The following KLC1 variants were observed in gnomAD, a reference collection of about 807,000 sequenced individuals.
The protein encoded by KLC1 is kinesin 2 60/70kDa.
Under a neutral mutation model 84.2 loss-of-function variants are expected in KLC1, and 30 were observed. The ratio of observed to expected loss-of-function variants is 0.36; its 90% CI spans 0.27 to 0.48. KLC1 has a LOEUF of 0.48. Among genes scored for constraint, KLC1 ranks in the 20% least tolerant of loss-of-function variants. The probability of loss-of-function intolerance (pLI) is 0.99; values close to 1 mark genes in which losing one functional copy is unlikely to be tolerated. For synonymous variants in KLC1, 289 were observed against 293.3 expected, an observed-to-expected ratio of 0.99 and a Z score of 0.15; for missense variants, 499 against 805.4, an observed-to-expected ratio of 0.62 and a Z score of 4.60.
intron 3 of KLC1, 53 bp downstream of exon 3, chr14:103,657,829 G>A (rs540388462): frequency 2.5e-4 from 321 of 1,285,248 alleles, no homozygotes; most frequent in Middle Eastern, 5.5e-4. Flanking sequence ...GAGTCACTGG[G>A]AAAGTCATAG....
chr14:103,655,894 T>C (rs2151503832), intron 2 of KLC1, among the ~76,000 whole-genome samples: 1 of 152,328 alleles, frequency 6.6e-6, no homozygotes, highest in East Asian at 1.9e-4. Flanking sequence ...CTGTGTATCA[T>C]TTAGGATTTG....
At chr14:103,657,231 G>C (rs2078904968) in intron 2 of KLC1, among the ~76,000 whole-genome samples, 1 of 152,120 alleles carries the variant, frequency 6.6e-6, no homozygotes, top group Non-Finnish European at 1.5e-5. Context: ...GGCCCATCTT[G>C]ATAGAAAGTA....
intron 5 of KLC1, among the ~76,000 whole-genome samples, chr14:103,665,658 A>G (rs1165406186): frequency 6.6e-6 from 1 of 152,104 alleles, no homozygotes; most frequent in Non-Finnish European, 1.5e-5. Flanking sequence ...GCTGGTCTCA[A>G]AACTCCTGAC....
At chr14:103,698,743 C>A in intron 15 of KLC1, 1 of 1,503,772 alleles carries the variant, frequency 6.6e-7, no homozygotes, top group East Asian at 2.4e-5. Context: ...TTTAAAGGCC[C>A]GAGCCCCGTG....
intron 1 of KLC1, among the ~76,000 whole-genome samples, chr14:103,641,417 C>T (rs117034968): frequency 6.6e-6 from 1 of 152,184 alleles, no homozygotes; most frequent in East Asian, 1.9e-4. Context: ...CAAAGTACCA[C>T]AGGCTAGTGA....
chr14:103,635,731 C>T (rs145949489), intron 1 of KLC1, among the ~76,000 whole-genome samples: 2,355 of 150,690 alleles, frequency 0.016, 56 homozygotes, highest in African/African-American at 0.054. Flanking sequence ...CCAGCCTGGG[C>T]GACAGAGTGA....
chr14:103,699,070 C>T, intron 15 of KLC1: 1 of 1,563,612 alleles, frequency 6.4e-7, no homozygotes, highest in South Asian at 1.2e-5. Context: ...GCCCCGCCCA[C>T]TTCGGCCCAG....
chr14:103,639,609 A>AT (rs1438728081), intron 1 of KLC1, among the ~76,000 whole-genome samples: 1 of 149,696 alleles, frequency 6.7e-6, no homozygotes, highest in East Asian at 2.0e-4. Flanking sequence ...CACCCAACTA[A>AT]TTTTTATTTT....
At chr14:103,700,140 C>A in intron 15 of KLC1, 1 of 204,910 alleles carries the variant, frequency 4.9e-6, no homozygotes, top group Non-Finnish European at 1.0e-5. Flanking sequence ...AGGCGTGGGG[C>A]ACTCTGGGAG....
rs117833555 is a variant in KLC1 at position 103,681,151 on chromosome 14, A to T, written c.1650+1606A>T. Reference sequence around the variant, plus strand: ...TCTATAGGCCATGTGCAGGCTGTGTATCTGGTGTGTCCCCTGATAGCTCTG... The same window carrying T: ...TCTATAGGCCATGTGCAGGCTGTGTTTCTGGTGTGTCCCCTGATAGCTCTG... On this transcript the variant is annotated intron_variant, in intron 13 of 16. Coordinates refer to ENST00000334553, the MANE Select transcript of KLC1 (RefSeq NM_001394837.1). Among the ~76,000 whole-genome samples the T allele has an allele frequency of 9.6e-4, 146 of 152,230 alleles. 3 individuals are homozygous for T. The East Asian group carries it at 0.021, about 22-fold the overall frequency.
At position 103,673,484 on chromosome 14, in the gene KLC1, A is replaced by G. The variant is rs1438276553; in HGVS notation, c.1261+53A>G. ...AATTTAATTGTATAATGACTTGACTAATAGTAATATACTAATAGTATTAGT... is the reference window on the plus strand; with the variant it reads ...AATTTAATTGTATAATGACTTGACTGATAGTAATATACTAATAGTATTAGT... On this transcript the variant is annotated intron_variant, in intron 9 of 16. Coordinates refer to ENST00000334553, the MANE Select transcript of KLC1 (RefSeq NM_001394837.1). 3 of 1,119,310 alleles carry G rather than the reference A, an allele frequency of 2.7e-6. No homozygotes were observed. In the African/African-American group the frequency reaches 4.8e-5, roughly 18 times the overall value. The allele number at this position is 1,119,310 out of a possible 1,614,324, so 69.3% of individuals were successfully genotyped here. A position where few individuals can be genotyped will look rare whatever the true frequency, so the allele number is the denominator to read the frequency against.
In KLC1 at chr14:103,700,721, C is replaced by T. The variant is rs766317490; in HGVS notation, c.1915C>T (p.Arg639Cys). The change falls in exon 16 of 17, where the codon CGC (arginine) becomes TGC (cysteine). Residue 639 changes from arginine to cysteine, a missense_variant. Arg to Cys is a radical substitution (Grantham distance 180). This residue lies in a region of KLC1 where 167 missense variants were observed against 208.8 expected (regional missense o/e 0.80). Coordinates refer to ENST00000334553, the MANE Select transcript of KLC1 (RefSeq NM_001394837.1). Reference sequence around the variant, plus strand: ...GCAGCAGTGGCCTGGAAGACGCCACCGCTAACGTGAGTCCCACGGCCTGCA... The same window carrying T: ...GCAGCAGTGGCCTGGAAGACGCCACTGCTAACGTGAGTCCCACGGCCTGCA... ...QQQQWPGRRH[R>C] The T allele has an allele frequency of 1.6e-5, 26 of 1,597,698 alleles. No homozygotes were observed. The highest frequency in any genetic ancestry group is 4.1e-5 in the African/African-American group (3 of 73,848).
intron 9 of KLC1, among the ~76,000 whole-genome samples, chr14:103,673,886 G>T (rs2080643921): frequency 6.6e-6 from 1 of 151,788 alleles, no homozygotes; most frequent in Non-Finnish European, 1.5e-5. Flanking sequence ...TCGTGCCACT[G>T]CACTCCAGCC....
chr14:103,698,752 T>C (rs1453711575), intron 15 of KLC1: 1 of 1,519,898 alleles, frequency 6.6e-7, no homozygotes, highest in Non-Finnish European at 8.9e-7. Flanking sequence ...CCGAGCCCCG[T>C]GTGTCGGGGC....
chr14:103,641,166 C>G (rs1317047321), intron 1 of KLC1, among the ~76,000 whole-genome samples: 1 of 152,154 alleles, frequency 6.6e-6, no homozygotes, highest in African/African-American at 2.4e-5. Context: ...CTTAAGTGAT[C>G]CACCTGCCTC....
At chr14:103,634,837 T>TC (rs2076936493) in intron 1 of KLC1, among the ~76,000 whole-genome samples, 1 of 152,100 alleles carries the variant, frequency 6.6e-6, no homozygotes, top group South Asian at 2.1e-4. Context: ...TGCCGTGGCC[T>TC]CCCAAAGTGT....
intron 13 of KLC1, chr14:103,685,135 T>C: frequency 6.8e-7 from 1 of 1,477,402 alleles, no homozygotes; most frequent in Non-Finnish European, 9.0e-7. Flanking sequence ...TTGCTGCCTG[T>C]GGAAATTAAT....
chr14:103,652,002 C>T (rs111992539), intron 1 of KLC1, among the ~76,000 whole-genome samples: 14 of 152,304 alleles, frequency 9.2e-5, no homozygotes, highest in Non-Finnish European at 1.3e-4. Context: ...TCCCCAAGGG[C>T]GAGGCCCTTA....
chr14:103,657,248 T>C (rs2078906469), intron 2 of KLC1, among the ~76,000 whole-genome samples: 1 of 152,104 alleles, frequency 6.6e-6, no homozygotes, highest in Admixed American at 6.6e-5. Context: ...AGTAAAATAA[T>C]ACAGTTTCAT....
Sources: gnomAD v4.1 joint callset for allele counts (sites outside exome capture counted in the v4.1 genomes callset) on GRCh38, gnomAD v4.1.1 for gene constraint, gnomAD v4.1.1 regional missense constraint, MANE v1.5 for transcripts, NCBI Gene and HGNC (gene_info 2026-07-23, HGNC 2026-07-21) for gene names.